Variants in HERC1 observed in about 807,000 individuals in gnomAD.
HERC1 encodes the protein probable E3 ubiquitin-protein ligase HERC1.
HERC1 carries 160 observed loss-of-function variants against 554.3 expected under a neutral mutation model. The observed-to-expected ratio is 0.29, with a 90% confidence interval of 0.25 to 0.33. HERC1 has a LOEUF of 0.33. Ranked by LOEUF, HERC1 falls within the 10% of genes least tolerant of loss-of-function variation. The pLI is 1.00. For missense variants in HERC1, 4,919 were observed against 5,918.5 expected (o/e 0.83, Z 5.54); for synonymous variants, 2,175 against 2,131.7 (o/e 1.02, Z -0.56).
intron 1 of HERC1, among the ~76,000 whole-genome samples, chr15:63,797,355 T>C (rs1043739239): frequency 2.0e-5 from 3 of 152,200 alleles, no homozygotes; most frequent in African/African-American, 7.2e-5. Flanking sequence ...GTCACAATAT[T>C]TGTCACTTCC....
intron 74 of HERC1, among the ~76,000 whole-genome samples, chr15:63,617,579 A>G (rs1339518069): frequency 2.6e-5 from 4 of 152,200 alleles, no homozygotes; most frequent in Non-Finnish European, 5.9e-5. Context: ...ATGAGGAATC[A>G]CCACACTGAC....
rs924022972 is a variant in HERC1, at chr15:63,698,926, T to C, written c.4707A>G (p.Leu1569=). 4.3e-6 allele frequency: 7 copies of C among 1,613,760 alleles called. No individual in the cohort carries two copies. Among genetic ancestry groups the C allele is most frequent in the South Asian group, 1.1e-5 (1 of 91,080 alleles). Residue 1569 remains leucine (L), a synonymous_variant, in exon 26 of 78, where the codon TTA becomes TTG. Transcript: ENST00000443617. ...ACTCAAAGGAATAGGAGGAGTTGCA[T>C]AACCAGTCTCTGCTATGTTTCAGGC... ...WARLKHSRDW[L]CNSSYSFESD... is the part of the protein sequence containing the mutation.
intron 2 of HERC1, among the ~76,000 whole-genome samples, chr15:63,766,533 C>T (rs1038921190): frequency 1.3e-5 from 2 of 152,110 alleles, no homozygotes; most frequent in African/African-American, 2.4e-5. Flanking sequence ...GGTTGCAGAT[C>T]GCACCACTGC....
chr15:63,709,164 TA>T (rs1336181667), intron 24 of HERC1, among the ~76,000 whole-genome samples: 1 of 149,514 alleles, frequency 6.7e-6, no homozygotes. Context: ...TATATATATA[TA>T]TTTTTTATTT....
chr15:63,609,143 T>C lies in HERC1; in HGVS notation c.14524A>G (p.Met4842Val). The C allele has an allele frequency of 6.2e-7, 1 of 1,613,948 alleles. No individual in the cohort carries two copies. The highest frequency in any genetic ancestry group is 8.5e-7 in the Non-Finnish European group (1 of 1,179,868). The change falls in exon 78 of 78, where the codon ATG (methionine) becomes GTG (valine). Residue 4842 changes from methionine to valine, a missense_variant. This residue lies in a region of HERC1 where 71 missense variants were observed against 101.4 expected (regional missense o/e 0.70). Transcript: ENST00000443617. ...YAINNCRSIDMDNYMLSRNVD... is the reference protein window; with the variant it reads ...YAINNCRSIDVDNYMLSRNVD... ...TTTCTCGAGAGCATGTAGTTGTCCA[T>C]GTCGATTGAGCGGCAGTTGTTGATG...
chr15:63,749,678 A>G lies in HERC1; in HGVS notation c.2016T>C (p.Ile672=), dbSNP rs1226843931. 1 of 1,597,740 alleles carries G rather than the reference A, an allele frequency of 6.3e-7. No individual in the cohort carries two copies. Among genetic ancestry groups the G allele is most frequent in the Admixed American group, 1.7e-5 (1 of 57,840 alleles). ...AAAGAGCCAAACAATGACTGTCTCC[A>G]ATAGAAACATCAACTATTCTTGTGG... The part of the protein sequence containing the change: ...LAATRIVDVS[I]GDSHCLALSH... Residue 672 remains isoleucine (I), a synonymous_variant, in exon 9 of 78, where the codon ATT becomes ATC. Transcript: ENST00000443617. This position sits in a 1 kb window ranked among gnomAD's most constrained non-coding sequence, Gnocchi z 4.1.
chr15:63,632,679 C>A, intron 68 of HERC1, 30 bp downstream of exon 68: 1 of 1,376,396 alleles, frequency 7.3e-7, no homozygotes, highest in Admixed American at 2.0e-5. Context: ...ATGATGTGTA[C>A]CCAAGCAAAT....
chr15:63,703,554 T>C (rs1400710850), intron 25 of HERC1, among the ~76,000 whole-genome samples: 3 of 152,100 alleles, frequency 2.0e-5, no homozygotes, highest in Non-Finnish European at 2.9e-5. Context: ...GAAAACATTT[T>C]ACATTTCCTC....
chr15:63,784,493 T>C (rs1352612759), intron 1 of HERC1, among the ~76,000 whole-genome samples: 6 of 152,144 alleles, frequency 3.9e-5, no homozygotes, highest in Non-Finnish European at 8.8e-5. Context: ...CTAGGAACAC[T>C]AGTTGCCTCT....
At chr15:63,708,355 A>ATGGGCCACAGATAAGAATATCTTACCCAC (rs1277716622) in intron 24 of HERC1, among the ~76,000 whole-genome samples, 1 of 152,162 alleles carries the variant, frequency 6.6e-6, no homozygotes, top group African/African-American at 2.4e-5. Context: ...CTCTAGCAGA[A>ATGGGCCACAGATAAGAATATCTTACCCAC]CACCACAGGA....
chr15:63,789,092 T>TG (rs2076547482), intron 1 of HERC1, among the ~76,000 whole-genome samples: 3 of 68,046 alleles, frequency 4.4e-5, no homozygotes, highest in African/African-American at 1.1e-4. Context: ...TTTTTTTTTT[T>TG]TTTTTTTTTT....
intron 64 of HERC1, 102 bp from the exon 65 acceptor site, chr15:63,636,244 G>T: frequency 6.6e-6 from 6 of 909,708 alleles, no homozygotes; most frequent in South Asian, 1.8e-5. Context: ...CACCGAATTG[G>T]TACTATGAAA....
rs375326418 is a variant in HERC1 at position 63,734,797 on chromosome 15, C to T, written c.2573G>A (p.Arg858Gln). 5.6e-6 allele frequency: 9 copies of T among 1,604,868 alleles called. No homozygotes were observed. The highest frequency in any genetic ancestry group is 2.7e-5 in the African/African-American group (2 of 74,154). Residue 858 changes from arginine (R) to glutamine (Q), a missense_variant, in exon 13 of 78, where the codon CGA becomes CAA. Transcript: ENST00000443617. This position sits in a 1 kb window ranked among gnomAD's most constrained non-coding sequence, Gnocchi z 4.6. ...VGATMLLPPL[R>Q]ERMELLHSLL... is the part of the protein sequence containing the mutation. Reference sequence around the variant, plus strand: ...AGAATGAAGTAATTCCATCCGTTCTCGTAATGGAGGTAACAGCATGGTTGC... The same window carrying T: ...AGAATGAAGTAATTCCATCCGTTCTTGTAATGGAGGTAACAGCATGGTTGC...
chr15:63,718,055 T>A lies in HERC1; in HGVS notation c.3978+519A>T, dbSNP rs1389707065. Among the ~76,000 whole-genome samples, 1 of 148,426 alleles carries A rather than the reference T, an allele frequency of 6.7e-6. No homozygotes were observed. The highest frequency in any genetic ancestry group is 2.5e-5 in the African/African-American group (1 of 40,186). ...ATTTCCTCTCTTACAGAGAAGCTCTTTAAGTATTTTTAAGGCAGCTATTAT... is the reference window on the plus strand; with the variant it reads ...ATTTCCTCTCTTACAGAGAAGCTCTATAAGTATTTTTAAGGCAGCTATTAT... On this transcript the variant is annotated intron_variant, in intron 21 of 77. Coordinates refer to ENST00000443617, the MANE Select transcript of HERC1 (RefSeq NM_003922.4). The surrounding 1 kb of genome is among the most constrained non-coding windows in gnomAD (Gnocchi z 4.2).
At chr15:63,649,347 T>G (rs887265127) in intron 54 of HERC1, among the ~76,000 whole-genome samples, 8 of 148,550 alleles carry the variant, frequency 5.4e-5, no homozygotes, top group African/African-American at 1.9e-4. Flanking sequence ...GCGAGACTCC[T>G]TCTCAAAACA....
At chr15:63,621,099 T>C (rs1484003047) in intron 74 of HERC1, among the ~76,000 whole-genome samples, 2 of 152,274 alleles carry the variant, frequency 1.3e-5, no homozygotes, top group Non-Finnish European at 2.9e-5. Flanking sequence ...CGATGGTCTT[T>C]ACAATTTGGC....
At chr15:63,625,857 GTTATC>G (rs2152776237) in intron 71 of HERC1, 123 bp downstream of exon 71, 4 of 926,894 alleles carry the variant, frequency 4.3e-6, no homozygotes, top group Non-Finnish European at 6.9e-6. Flanking sequence ...GAATAGAAGT[GTTATC>G]TTATTAGCCA....
In HERC1 at chr15:63,626,075, G is replaced by A. The variant is rs1202073513; in HGVS notation, c.13185C>T (p.His4395=). The A allele has an allele frequency of 6.8e-6, 11 of 1,613,616 alleles. No homozygotes were observed. Among genetic ancestry groups the A allele is most frequent in the African/African-American group, 1.3e-5 (1 of 74,944 alleles). ...QYGALREVSI[H]TVRARLRLLY... is the part of the protein sequence containing the mutation. The stretch of plus-strand genomic sequence containing the variant: ...GCAGCCGGAGCCTGGCCCGCACCGT[G>A]TGAATGCTGACTTCTCTCAGCGCCC... Residue 4395 remains histidine, a synonymous_variant, in exon 71 of 78, where the codon CAC becomes CAT. Coordinates refer to ENST00000443617, the MANE Select transcript of HERC1 (RefSeq NM_003922.4).
chr15:63,729,655 A>G lies in HERC1; in HGVS notation c.2869-6T>C. 6.2e-7 allele frequency: 1 copy of G among 1,613,330 alleles called. No homozygotes were observed. Among genetic ancestry groups the G allele is most frequent in the East Asian group, 2.2e-5 (1 of 44,864 alleles). On this transcript the variant is annotated splice_polypyrimidine_tract_variant and splice_region_variant and intron_variant, in intron 14 of 77. Coordinates refer to ENST00000443617, the MANE Select transcript of HERC1 (RefSeq NM_003922.4). ...AGCTCTCCAAATGCTTGATCCTAAA[A>G]TGACACACAAAGGAAGTTTATATTT...
Sources: gnomAD v4.1 joint callset for allele counts (sites outside exome capture counted in the v4.1 genomes callset) on GRCh38, gnomAD v4.1.1 for gene constraint, gnomAD v4.1.1 regional missense constraint, Gnocchi (gnomAD v3.1) non-coding constraint, MANE v1.5 for transcripts, NCBI Gene and HGNC (gene_info 2026-07-23, HGNC 2026-07-21) for gene names.